Variants in FKBP5 observed in about 807,000 individuals in gnomAD.
The protein encoded by FKBP5 is peptidyl-prolyl cis-trans isomerase FKBP5.
A neutral mutation model predicts 50.5 loss-of-function variants in FKBP5; 23 were observed. The ratio of observed to expected loss-of-function variants is 0.46; its 90% confidence interval spans 0.33 to 0.65. The LOEUF (loss-of-function observed/expected upper bound fraction) is 0.65. FKBP5 is among the 30% of genes least tolerant of loss of function. FKBP5 has a pLI of 0.02. For synonymous variants in FKBP5, 176 were observed against 190.6 expected (o/e 0.92, Z 0.63); for missense variants, 411 against 553.1 (o/e 0.74, Z 2.58).
At chr6:35,610,331 C>G (rs1256069679) in intron 5 of FKBP5, among the ~76,000 whole-genome samples, 1 of 152,104 alleles carries the variant, frequency 6.6e-6, no homozygotes, top group African/African-American at 2.4e-5. Context: ...CTTTGGGAGG[C>G]TGAGGCAGGT....
chr6:35,688,428 C>T (rs1054927102), intron 1 of FKBP5, among the ~76,000 whole-genome samples: 2 of 152,060 alleles, frequency 1.3e-5, no homozygotes, highest in Non-Finnish European at 2.9e-5. Flanking sequence ...GGAGCGGGAC[C>T]TGTCATCCCG....
chr6:35,680,686 A>T (rs982378986), intron 1 of FKBP5, among the ~76,000 whole-genome samples: 1 of 152,254 alleles, frequency 6.6e-6, no homozygotes, highest in African/African-American at 2.4e-5. Flanking sequence ...GTTTACAAAC[A>T]CCAATGTCTT....
intron 1 of FKBP5, among the ~76,000 whole-genome samples, chr6:35,656,868 G>A (rs1470253022): frequency 1.4e-5 from 2 of 142,836 alleles, no homozygotes; most frequent in Non-Finnish European, 3.0e-5. Context: ...CTGCACTCCA[G>A]CCTGGGGAAA....
chr6:35,581,291 T>A (rs998949515), intron 8 of FKBP5: 1 of 422,574 alleles, frequency 2.4e-6, no homozygotes, highest in Non-Finnish European at 3.1e-6. Flanking sequence ...ATATAATATA[T>A]ATATATATAC....
At chr6:35,642,647 C>G in intron 2 of FKBP5, 73 bp downstream of exon 2, 1 of 1,139,152 alleles carries the variant, frequency 8.8e-7, no homozygotes, top group South Asian at 1.4e-5. Context: ...ACCCCAGCCC[C>G]CCTCAGAAAG....
chr6:35,685,950 C>T lies in FKBP5; in HGVS notation c.-20+2854G>A, dbSNP rs111899167. ...TGAGCCGAGACTGCGCCCTTGCACT[C>T]CAGCCTGGGCAACAAGAGCAAAACG... On this transcript the variant is annotated intron_variant, in intron 1 of 10. Coordinates refer to ENST00000357266, the MANE Select transcript of FKBP5 (RefSeq NM_004117.4). Among the ~76,000 whole-genome samples the T allele has an allele frequency of 5.7e-3, 844 of 148,056 alleles. 10 individuals are homozygous for T. Among genetic ancestry groups the T allele is most frequent in the African/African-American group, 0.019 (773 of 39,694 alleles).
In FKBP5 at chr6:35,575,798, C is replaced by A; in HGVS notation, c.*37G>T. ...TGGGGGAAAGCCCATTGAGGAGGGG[C>A]CGAGTTCACTGGGACTCTTCCCTCC... On this transcript the variant is annotated 3_prime_UTR_variant, in exon 11 of 11. Transcript: ENST00000357266. The A allele has an allele frequency of 7.5e-7, 1 of 1,341,526 alleles. No homozygotes were observed. The highest frequency in any genetic ancestry group is 1.1e-6 in the Non-Finnish European group (1 of 931,070). 83.1% of individuals were successfully genotyped at this position (1,341,526 alleles called of 1,614,324 possible). A position where few individuals can be genotyped will look rare whatever the true frequency, so the allele number is the denominator to read the frequency against.
intron 1 of FKBP5, among the ~76,000 whole-genome samples, chr6:35,647,501 G>A (rs1275095049): frequency 2.6e-5 from 4 of 152,230 alleles, no homozygotes; most frequent in African/African-American, 9.6e-5. Context: ...ACACTACACA[G>A]CAGATGAGGT....
At chr6:35,685,787 GC>G (rs1765806307) in intron 1 of FKBP5, among the ~76,000 whole-genome samples, 1 of 151,980 alleles carries the variant, frequency 6.6e-6, no homozygotes. Flanking sequence ...TTCGAGACCA[GC>G]CTGGCCAACA....
chr6:35,658,664 A>C lies in FKBP5; in HGVS notation c.-19-15821T>G, dbSNP rs933440259. Among the ~76,000 whole-genome samples, 25 of 88,804 alleles carry C rather than the reference A, an allele frequency of 2.8e-4. 11 individuals are homozygous for C. The highest frequency in any genetic ancestry group is 7.2e-4 in the East Asian group (2 of 2,784). The allele number at this position is 88,804 out of a possible 152,430, so 58.3% of individuals were successfully genotyped here. On this transcript the variant is annotated intron_variant, in intron 1 of 10. Transcript: ENST00000357266. ...CTTTCTCTTGCTAATGTGGTACATG[A>C]CATTGGTTTTCAAATGTTAAACCAA...
rs71002581 is a variant in FKBP5, at chr6:35,637,457, C to CTTTTTT, written c.106-305_106-300dup. Among the ~76,000 whole-genome samples the CTTTTTT allele has an allele frequency of 7.4e-4, 54 of 73,288 alleles. 1 individual carries two copies. Among genetic ancestry groups the CTTTTTT allele is most frequent in the Non-Finnish European group, 1.1e-3 (43 of 39,668 alleles). The allele number at this position is 73,288 out of a possible 152,430, so 48.1% of individuals were successfully genotyped here. On this transcript the variant is annotated intron_variant, in intron 2 of 10. Transcript: ENST00000357266. ...ATGCCCTATATTTTGACAGTAAACTCTTTTTTTTTTTTTTTTTTTTTTTTG... is the reference window on the plus strand; with the variant it reads ...ATGCCCTATATTTTGACAGTAAACTCTTTTTTTTTTTTTTTTTTTTTTTTTTTTTTG...
At chr6:35,670,048 T>C (rs1226006917) in intron 1 of FKBP5, among the ~76,000 whole-genome samples, 6 of 152,226 alleles carry the variant, frequency 3.9e-5, no homozygotes, top group Non-Finnish European at 8.8e-5. Flanking sequence ...TTGCCTGTTT[T>C]GCTTTAATCA....
intron 1 of FKBP5, among the ~76,000 whole-genome samples, chr6:35,668,653 T>C (rs1765296269): frequency 6.6e-6 from 1 of 152,152 alleles, no homozygotes; most frequent in African/African-American, 2.4e-5. Flanking sequence ...TATTATACTT[T>C]AAGTTTTAGG....
intron 8 of FKBP5, chr6:35,581,287 T>C: frequency 6.5e-6 from 2 of 307,756 alleles, no homozygotes; most frequent in Non-Finnish European, 4.6e-6. Flanking sequence ...ATATATATAA[T>C]ATATATATAT....
chr6:35,698,510 G>A (rs542863659), intron 2 of FKBP5, among the ~76,000 whole-genome samples: 6 of 151,820 alleles, frequency 4.0e-5, no homozygotes, highest in African/African-American at 1.5e-4. Flanking sequence ...AGCCGGGCTT[G>A]GTGGCAGGAG....
Position 35,586,486 on chromosome 6 carries a change from G to A in FKBP5, c.840+548C>T. The A allele has an allele frequency of 3.0e-6, 3 of 988,758 alleles. No individual in the cohort carries two copies. The South Asian group carries it at 1.4e-4, about 46-fold the overall frequency. The allele number at this position is 988,758 out of a possible 1,614,324, so 61.2% of individuals were successfully genotyped here. On this transcript the variant is annotated intron_variant, in intron 8 of 10. Coordinates refer to ENST00000357266, the MANE Select transcript of FKBP5 (RefSeq NM_004117.4). ...ATCAAGACAGTCTAAAGGAAGATGG[G>A]CCCGGTGCAGTGGCTCACGCCTGTA...
Position 35,587,021 on chromosome 6 carries a change from G to A in FKBP5, c.840+13C>T, listed in dbSNP as rs373301189. On this transcript the variant is annotated intron_variant, in intron 8 of 10. Transcript: ENST00000357266. ...TCTTTGAGATGGAAAGGATTGCATA[G>A]GGACTCACACACCTTGAAGTATACG... The A allele has an allele frequency of 4.3e-6, 7 of 1,613,874 alleles. No individual in the cohort carries two copies. The highest frequency in any genetic ancestry group is 5.9e-6 in the Non-Finnish European group (7 of 1,179,790).
At chr6:35,619,941 G>A (rs1561861231) in intron 4 of FKBP5, among the ~76,000 whole-genome samples, 191 bp downstream of exon 4, 2 of 152,210 alleles carry the variant, frequency 1.3e-5, no homozygotes, top group South Asian at 4.1e-4. Context: ...CTAGAAACAC[G>A]TTTCTAAGAA....
rs892708392 is a variant in FKBP5, at chr6:35,585,848, C to G, written c.840+1186G>C. ...TGTCTCAGCTCAAATTCTGAAAACA[C>G]ATGGTGCCCTCTGGCTGTGTTAATT... On this transcript the variant is annotated intron_variant, in intron 8 of 10. Coordinates refer to ENST00000357266, the MANE Select transcript of FKBP5 (RefSeq NM_004117.4). 4 of 985,260 alleles carry G rather than the reference C, an allele frequency of 4.1e-6. No homozygotes were observed. The African/African-American group carries it at 7.0e-5, about 17-fold the overall frequency. The allele number at this position is 985,260 out of a possible 1,614,324, so 61.0% of individuals were successfully genotyped here. A position where few individuals can be genotyped will look rare whatever the true frequency, so the allele number is the denominator to read the frequency against.
Sources: gnomAD v4.1 joint callset for allele counts (sites outside exome capture counted in the v4.1 genomes callset) on GRCh38, gnomAD v4.1.1 for gene constraint, MANE v1.5 for transcripts, NCBI Gene and HGNC (gene_info 2026-07-23, HGNC 2026-07-21) for gene names.